The following ADGRV1 variants were observed in gnomAD, a reference collection of about 807,000 sequenced individuals.
ADGRV1 encodes adhesion G protein-coupled receptor V1, also known as G-protein coupled receptor 98.
A neutral mutation model predicts 596.2 loss-of-function variants in ADGRV1; 359 were observed. The observed-to-expected ratio is 0.60, with a 90% CI of 0.55 to 0.66. The LOEUF (loss-of-function observed/expected upper bound fraction) is 0.66. ADGRV1 is among the 30% of genes least tolerant of loss of function. The pLI, the probability that ADGRV1 is intolerant of heterozygous loss-of-function variation, is 0.00. For synonymous variants in ADGRV1, 2,681 were observed against 2,679.2 expected, an observed-to-expected ratio of 1.00 and a Z score of -0.02; for missense variants, 7,274 against 7,575.6, an observed-to-expected ratio of 0.96 and a Z score of 1.48.
chr5:90,740,665 C>T (rs1011923895), intron 50 of ADGRV1, among the ~76,000 whole-genome samples: 1 of 152,084 alleles, frequency 6.6e-6, no homozygotes, highest in Admixed American at 6.6e-5. Flanking sequence ...TACCCCTGTT[C>T]GTTGTTTCTA....
At position 90,753,590 on chromosome 5, in the gene ADGRV1, G is replaced by T. The variant is rs1378731715; in HGVS notation, c.11138G>T (p.Gly3713Val). 1.9e-6 allele frequency: 3 copies of T among 1,605,854 alleles called. No individual in the cohort carries two copies. Among genetic ancestry groups the T allele is most frequent in the East Asian group, 4.5e-5 (2 of 44,810 alleles). ...AAATTCTAGATTTTATTTACTGAAG[G>T]CCAGGTACTGTCAACAATCACTCTA... ...PTSGVILFTE[G>V]QVLSTITLTI... The change falls in exon 54 of 90, where the codon GGC becomes GTC. Residue 3713 changes from glycine to valine, a missense_variant. Coordinates refer to ENST00000405460, the MANE Select transcript of ADGRV1 (RefSeq NM_032119.4).
chr5:90,707,903 T>C (rs1189221655), intron 38 of ADGRV1, among the ~76,000 whole-genome samples: 1 of 151,906 alleles, frequency 6.6e-6, no homozygotes, highest in East Asian at 1.9e-4. Flanking sequence ...GGAGGAAGTA[T>C]TGCGTGGGGG....
At position 91,150,213 on chromosome 5, in the gene ADGRV1, A is replaced by G. The variant is rs756136066; in HGVS notation, c.18616A>G (p.Met6206Val). The change falls in exon 88 of 90, where the codon ATG (methionine) becomes GTG (valine). Residue 6206 changes from methionine to valine, a missense_variant. Coordinates refer to ENST00000405460, the MANE Select transcript of ADGRV1 (RefSeq NM_032119.4). ...SKSTQNLIGAMEEVPPDWERA... is the reference protein window; with the variant it reads ...SKSTQNLIGAVEEVPPDWERA... ...GTCCACCCAGAATCTCATCGGTGCT[A>G]TGGAGGAGGTGTCTGCCCTTGCCCT... The G allele has an allele frequency of 6.4e-6, 10 of 1,565,552 alleles. No homozygotes were observed. The highest frequency in any genetic ancestry group is 1.4e-5 in the African/African-American group (1 of 72,884).
intron 1 of ADGRV1, among the ~76,000 whole-genome samples, chr5:90,597,303 G>A (rs1316787902): frequency 6.6e-6 from 1 of 152,198 alleles, no homozygotes; most frequent in Non-Finnish European, 1.5e-5. Flanking sequence ...TTGTTCTGTG[G>A]CCATTATAGA....
intron 85 of ADGRV1, among the ~76,000 whole-genome samples, chr5:91,038,609 G>T (rs1282872468): frequency 6.6e-6 from 1 of 152,176 alleles, no homozygotes; most frequent in Admixed American, 6.5e-5. Context: ...TTTCTGGCAT[G>T]GGCAACTGTG....
At chr5:90,754,892 G>C (rs1755662378) in intron 54 of ADGRV1, 91 bp from the exon 55 acceptor site, 1 of 848,756 alleles carries the variant, frequency 1.2e-6, no homozygotes, top group Non-Finnish European at 2.0e-6. Context: ...TGTCTACAAG[G>C]GATAGAGTAG....
Position 90,637,884 on chromosome 5 carries a change from A to G in ADGRV1, c.2176A>G (p.Asn726Asp). The part of the protein sequence containing the change: ...FLSGQSDTTI[N>D]ITIKGDDIPE... ...ATCTGGGCAAAGTGACACAACAATC[A>G]ACATTACTATCAAAGGTGATGACAT... Residue 726 changes from asparagine to aspartate, a missense_variant, in exon 11 of 90, where the codon AAC (asparagine) becomes GAC (aspartate). Around this residue, in one of 5 missense-constraint regions of ADGRV1, gnomAD observed 1,715 missense variants for 1,708.8 expected, o/e 1.00. Transcript: ENST00000405460. 6.2e-7 allele frequency: 1 copy of G among 1,613,754 alleles called. No homozygotes were observed. Among genetic ancestry groups the G allele is most frequent in the Non-Finnish European group, 8.5e-7 (1 of 1,179,768 alleles).
At position 90,728,724 on chromosome 5, in the gene ADGRV1, G is replaced by A. The variant is rs1462565557; in HGVS notation, c.10217G>A (p.Gly3406Asp). 4 of 1,613,688 alleles carry A rather than the reference G, an allele frequency of 2.5e-6. No homozygotes were observed. The Admixed American group carries it at 6.7e-5, about 27-fold the overall frequency. Residue 3406 changes from glycine (G) to aspartate (D), a missense_variant, in exon 49 of 90, where the codon GGT becomes GAT. Gly to Asp is a moderately conservative substitution (Grantham distance 94). Coordinates refer to ENST00000405460, the MANE Select transcript of ADGRV1 (RefSeq NM_032119.4). The part of the protein sequence containing the change: ...FVLHQKLPVR[G>D]VLTVALFNKG... ...TTGCATCAAAAACTCCCTGTCCGAG[G>A]TGTGCTGACCGTGGCCTTGTTCAAC...
intron 45 of ADGRV1, 38 bp downstream of exon 45, chr5:90,721,097 G>A (rs780124568): frequency 3.5e-5 from 55 of 1,571,144 alleles, no homozygotes; most frequent in Admixed American, 8.8e-5. Flanking sequence ...ATTCTGTAAC[G>A]AAAAAATATT....
At chr5:90,836,210 C>T (rs536598329) in intron 77 of ADGRV1, among the ~76,000 whole-genome samples, 1 of 152,218 alleles carries the variant, frequency 6.6e-6, no homozygotes, top group Non-Finnish European at 1.5e-5. Flanking sequence ...TACCTTATGA[C>T]TCAGGAGTTG....
chr5:90,628,628 G>C lies in ADGRV1; in HGVS notation c.1305G>C (p.Leu435Phe). ...GGAATGTCTCTGCGAATTGGGTGTTGACACGGAACAGCACTGATCCCTCAC... is the reference window on the plus strand; with the variant it reads ...GGAATGTCTCTGCGAATTGGGTGTTCACACGGAACAGCACTGATCCCTCAC... ...THGNVSANWV[L>F]TRNSTDPSPV... The change falls in exon 8 of 90, where the codon TTG becomes TTC. Residue 435 changes from leucine to phenylalanine, a missense_variant. Leu to Phe is a conservative substitution (Grantham distance 22). Around this residue, in one of 5 missense-constraint regions of ADGRV1, gnomAD observed 1,715 missense variants for 1,708.8 expected, o/e 1.00. Transcript: ENST00000405460. The C allele has an allele frequency of 1.2e-6, 2 of 1,613,980 alleles. No homozygotes were observed. Among genetic ancestry groups the C allele is most frequent in the Non-Finnish European group, 1.7e-6 (2 of 1,179,824 alleles).
chr5:90,920,513 T>C (rs1184002099), intron 83 of ADGRV1, among the ~76,000 whole-genome samples: 4 of 152,234 alleles, frequency 2.6e-5, no homozygotes, highest in Non-Finnish European at 5.9e-5. Context: ...CTAGAATTTA[T>C]GTACCTTTAA....
At chr5:91,134,541 A>G (rs1794477244) in intron 87 of ADGRV1, among the ~76,000 whole-genome samples, 2 of 152,202 alleles carry the variant, frequency 1.3e-5, no homozygotes, top group South Asian at 2.1e-4. Context: ...GACAAATCAT[A>G]TAAAGGATCA....
In ADGRV1 at chr5:90,601,257, G is replaced by A. The variant is rs375906676; in HGVS notation, c.23-13578G>A. On this transcript the variant is annotated intron_variant, in intron 1 of 89. Transcript: ENST00000405460. ...CATCTCAAAAAAAAAAAAGCAGCAAGGGAAAACGAATTCTTGTAAATAAGC... is the reference window on the plus strand; with the variant it reads ...CATCTCAAAAAAAAAAAAGCAGCAAAGGAAAACGAATTCTTGTAAATAAGC... 7.7e-4 allele frequency among the ~76,000 whole-genome samples: 116 copies of A among 151,192 alleles called. No individual in the cohort carries two copies. The South Asian group carries it at 0.016, about 21-fold the overall frequency.
intron 76 of ADGRV1, chr5:90,825,709 T>G (rs1436087523): frequency 1.3e-5 from 2 of 152,152 alleles, no homozygotes; most frequent in Non-Finnish European, 2.9e-5. Context: ...GTAGACTACT[T>G]CCTCTGAGCT....
intron 87 of ADGRV1, among the ~76,000 whole-genome samples, chr5:91,137,979 A>G (rs1208960803): frequency 6.6e-6 from 1 of 152,242 alleles, no homozygotes; most frequent in African/African-American, 2.4e-5. Context: ...GGCTTCTACA[A>G]TGCTGGTCCC....
At chr5:90,660,979 T>A (rs1287050135) in intron 21 of ADGRV1, among the ~76,000 whole-genome samples, 1 of 152,120 alleles carries the variant, frequency 6.6e-6, no homozygotes, top group Non-Finnish European at 1.5e-5. Context: ...AAACTATAAT[T>A]GAAAGAATGA....
intron 42 of ADGRV1, among the ~76,000 whole-genome samples, chr5:90,715,818 T>C (rs1750031566): frequency 6.6e-6 from 1 of 152,166 alleles, no homozygotes; most frequent in Admixed American, 6.5e-5. Flanking sequence ...TTCTGTAAAA[T>C]GAGAATAATA....
intron 75 of ADGRV1, among the ~76,000 whole-genome samples, chr5:90,820,390 T>G (rs2150280951): frequency 6.7e-6 from 1 of 149,846 alleles, no homozygotes; most frequent in South Asian, 2.2e-4. Flanking sequence ...TCTGTGTCTT[T>G]TAATTGGAGC....
Sources: gnomAD v4.1 joint callset for allele counts (sites outside exome capture counted in the v4.1 genomes callset) on GRCh38, gnomAD v4.1.1 for gene constraint, gnomAD v4.1.1 regional missense constraint, MANE v1.5 for transcripts, NCBI Gene and HGNC (gene_info 2026-07-23, HGNC 2026-07-21) for gene names.